Variants in MAP2K5 observed in about 807,000 individuals in gnomAD.
MAP2K5 encodes dual specificity mitogen-activated protein kinase kinase 5.
A neutral mutation model predicts 83.1 loss-of-function variants in MAP2K5; 49 were observed. The observed-to-expected ratio is 0.59, with a 90% confidence interval of 0.47 to 0.75. The LOEUF (loss-of-function observed/expected upper bound fraction) is 0.75. MAP2K5 is among the 30% of genes least tolerant of loss of function. The probability of loss-of-function intolerance (pLI) is 0.00; values close to 1 mark genes in which losing one functional copy is unlikely to be tolerated. For synonymous variants in MAP2K5, 202 were observed against 191.8 expected, an observed-to-expected ratio of 1.05 and a Z score of -0.44; for missense variants, 457 against 557.5, an observed-to-expected ratio of 0.82 and a Z score of 1.82.
At chr15:67,585,994 T>G (rs2038940797) in intron 5 of MAP2K5, 64 bp downstream of exon 5, 3 of 1,428,960 alleles carry the variant, frequency 2.1e-6, no homozygotes, top group South Asian at 2.3e-5. Flanking sequence ...TTCCACTTAT[T>G]GAAATGTCAA....
In MAP2K5 at chr15:67,565,943, TATG is replaced by T. The variant is rs1215914236; in HGVS notation, c.252+2596_252+2598del. On this transcript the variant is annotated intron_variant, in intron 3 of 21. Coordinates refer to ENST00000178640, the MANE Select transcript of MAP2K5 (RefSeq NM_145160.3). The surrounding 1 kb of genome is among the most constrained non-coding windows in gnomAD (Gnocchi z 4.1). ...TGTCATTTTGATCTGTCTTGGTTCT[TATG>T]ATTGAAATTTAAGGAGAACCATTTG... Among the ~76,000 whole-genome samples, 3 of 152,118 alleles carry T rather than the reference TATG, an allele frequency of 2.0e-5. No individual in the cohort carries two copies. The highest frequency in any genetic ancestry group is 1.5e-5 in the Non-Finnish European group (1 of 68,040).
rs1027918692 is a variant in MAP2K5, at chr15:67,698,536, G to T, written c.973-4801G>T. 6.6e-6 allele frequency among the ~76,000 whole-genome samples: 1 copy of T among 152,100 alleles called. No homozygotes were observed. Among genetic ancestry groups the T allele is most frequent in the African/African-American group, 2.4e-5 (1 of 41,400 alleles). The stretch of plus-strand genomic sequence containing the variant: ...ATTTTATTATGTTTTTAAGATAGAA[G>T]TTCCTAAAACTTTAACCAACTATTC... On this transcript the variant is annotated intron_variant, in intron 15 of 21. Coordinates refer to ENST00000178640, the MANE Select transcript of MAP2K5 (RefSeq NM_145160.3). This position sits in a 1 kb window ranked among gnomAD's most constrained non-coding sequence, Gnocchi z 4.5.
At chr15:67,763,893 A>G (rs953722369) in intron 19 of MAP2K5, among the ~76,000 whole-genome samples, 2 of 152,222 alleles carry the variant, frequency 1.3e-5, no homozygotes, top group African/African-American at 4.8e-5. Flanking sequence ...GCCAATTAGT[A>G]TGAATCCCAG....
rs2090497345 is a variant in MAP2K5, at chr15:67,790,511, T to C, written c.1243-16135T>C. Among the ~76,000 whole-genome samples, 1 of 152,174 alleles carries C rather than the reference T, an allele frequency of 6.6e-6. No individual in the cohort carries two copies. The highest frequency in any genetic ancestry group is 2.4e-5 in the African/African-American group (1 of 41,452). ...TGTAGGCTGTGCACAAGTGCAACAG[T>C]TGGGATTCCTTTTTTCTATTTTGTG... On this transcript the variant is annotated intron_variant, in intron 21 of 21. Transcript: ENST00000178640. This position sits in a 1 kb window ranked among gnomAD's most constrained non-coding sequence, Gnocchi z 4.6.
At chr15:67,602,820 A>C (rs929016116) in intron 8 of MAP2K5, among the ~76,000 whole-genome samples, 2 of 152,150 alleles carry the variant, frequency 1.3e-5, no homozygotes, top group South Asian at 4.2e-4. Context: ...TGCCCAGCTA[A>C]TTTTTGTATT....
chr15:67,647,173 T>C (rs2086848936), intron 11 of MAP2K5, among the ~76,000 whole-genome samples: 1 of 152,214 alleles, frequency 6.6e-6, no homozygotes, highest in Non-Finnish European at 1.5e-5. Context: ...TGTTAGTTCC[T>C]TGTGGAGATT....
In MAP2K5 at chr15:67,547,057, C is replaced by G. The variant is rs372086688; in HGVS notation, c.136-2977C>G. Among the ~76,000 whole-genome samples the G allele has an allele frequency of 8.1e-5, 9 of 111,386 alleles. No individual in the cohort carries two copies. The East Asian group carries it at 1.4e-3, about 17-fold the overall frequency. 73.1% of individuals were successfully genotyped at this position (111,386 alleles called of 152,430 possible). A position where few individuals can be genotyped will look rare whatever the true frequency, so the allele number is the denominator to read the frequency against. ...TCTAGCTTGGGTCACAGAGCGAGAC[C>G]CTATCTCAAAAAAGAAGAAAACACA... On this transcript the variant is annotated intron_variant, in intron 1 of 21. Coordinates refer to ENST00000178640, the MANE Select transcript of MAP2K5 (RefSeq NM_145160.3).
rs530421965 is a variant in MAP2K5 at position 67,666,851 on chromosome 15, T to A, written c.847+2206T>A. The stretch of plus-strand genomic sequence containing the variant: ...CTTTCAAGGAATTTCAGTGAATGAG[T>A]GTGCACCTACATCTGTCTCAATGGA... On this transcript the variant is annotated intron_variant, in intron 13 of 21. Coordinates refer to ENST00000178640, the MANE Select transcript of MAP2K5 (RefSeq NM_145160.3). Among the ~76,000 whole-genome samples, 10 of 152,264 alleles carry A rather than the reference T, an allele frequency of 6.6e-5. No homozygotes were observed. The East Asian group carries it at 1.9e-3, about 29-fold the overall frequency.
intron 3 of MAP2K5, among the ~76,000 whole-genome samples, chr15:67,575,727 TTAAA>T (rs2085041543): frequency 6.6e-6 from 1 of 152,156 alleles, no homozygotes; most frequent in South Asian, 2.1e-4. Context: ...GCTTCATCTG[TTAAA>T]TAGAGGTGAT....
At chr15:67,629,026 G>T (rs1417389577) in intron 8 of MAP2K5, 3 of 754,330 alleles carry the variant, frequency 4.0e-6, no homozygotes, top group Non-Finnish European at 7.2e-6. Context: ...GGAGGCAGAA[G>T]CTCTGGCCCC....
intron 16 of MAP2K5, among the ~76,000 whole-genome samples, chr15:67,706,436 CTG>C (rs1240873437): frequency 1.3e-5 from 2 of 152,164 alleles, no homozygotes; most frequent in Non-Finnish European, 2.9e-5. Flanking sequence ...GCTGTAAGGA[CTG>C]TGTTGGCTCG....
chr15:67,572,809 C>T lies in MAP2K5; in HGVS notation c.253-7945C>T, dbSNP rs1220136838. On this transcript the variant is annotated intron_variant, in intron 3 of 21. Coordinates refer to ENST00000178640, the MANE Select transcript of MAP2K5 (RefSeq NM_145160.3). The surrounding 1 kb of genome is among the most constrained non-coding windows in gnomAD (Gnocchi z 4.2). Reference sequence around the variant, plus strand: ...CACCTCTCGGGTTCAAGTGATTCTCCTGCCTCAACCTCCTGAGTAGCTGGG... The same window carrying T: ...CACCTCTCGGGTTCAAGTGATTCTCTTGCCTCAACCTCCTGAGTAGCTGGG... Among the ~76,000 whole-genome samples the T allele has an allele frequency of 1.3e-5, 2 of 151,962 alleles. No homozygotes were observed. The highest frequency in any genetic ancestry group is 2.9e-5 in the Non-Finnish European group (2 of 68,014).
rs1050583973 is a variant in MAP2K5 at position 67,769,282 on chromosome 15, G to A, written c.1135-320G>A. Among the ~76,000 whole-genome samples the A allele has an allele frequency of 1.3e-5, 2 of 152,174 alleles. No individual in the cohort carries two copies. Among genetic ancestry groups the A allele is most frequent in the Non-Finnish European group, 2.9e-5 (2 of 68,024 alleles). The stretch of plus-strand genomic sequence containing the variant: ...CTCTTTGTTAATTACAAGACCATTT[G>A]TGTGTTACTTAAATAATCATTAATT... On this transcript the variant is annotated intron_variant, in intron 19 of 21. Coordinates refer to ENST00000178640, the MANE Select transcript of MAP2K5 (RefSeq NM_145160.3). The surrounding 1 kb of genome is among the most constrained non-coding windows in gnomAD (Gnocchi z 5.2).
chr15:67,686,315 A>G (rs935609515), intron 13 of MAP2K5, among the ~76,000 whole-genome samples: 1 of 152,120 alleles, frequency 6.6e-6, no homozygotes, highest in African/African-American at 2.4e-5. Flanking sequence ...TTAAAGAAAA[A>G]TAATTACATG....
At chr15:67,574,553 C>A (rs2085014866) in intron 3 of MAP2K5, among the ~76,000 whole-genome samples, 1 of 150,230 alleles carries the variant, frequency 6.7e-6, no homozygotes, top group Admixed American at 6.7e-5. Context: ...GCCTGGGTGA[C>A]AGAGCAAGAC....
chr15:67,629,230 C>T (rs2086403930), intron 8 of MAP2K5: 6 of 626,006 alleles, frequency 9.6e-6, no homozygotes, highest in East Asian at 3.3e-5. Flanking sequence ...CAGCCAAGCA[C>T]GGTGGTGGCA....
chr15:67,664,652 G>A lies in MAP2K5; in HGVS notation c.847+7G>A. On this transcript the variant is annotated splice_region_variant and intron_variant, in intron 13 of 21. Coordinates refer to ENST00000178640, the MANE Select transcript of MAP2K5 (RefSeq NM_145160.3). ...TTAAAGATTTTACATAGAGGTATGT[G>A]CTGGGCTTATAAGCTTGGATTTAAT... is the stretch of plus-strand genomic sequence containing the variant. The A allele has an allele frequency of 1.3e-6, 2 of 1,597,408 alleles. No homozygotes were observed. The highest frequency in any genetic ancestry group is 1.7e-6 in the Non-Finnish European group (2 of 1,165,928).
chr15:67,545,565 G>T (rs2140937732), intron 1 of MAP2K5, among the ~76,000 whole-genome samples: 1 of 152,314 alleles, frequency 6.6e-6, no homozygotes, highest in African/African-American at 2.4e-5. Context: ...TGATGAGAAA[G>T]ATGGGTTTTC....
chr15:67,657,213 C>T (rs954401953), intron 11 of MAP2K5, among the ~76,000 whole-genome samples: 3 of 152,032 alleles, frequency 2.0e-5, no homozygotes, highest in Non-Finnish European at 4.4e-5. Context: ...AACCATTGTC[C>T]ATTTAGTTAA....
Sources: gnomAD v4.1 joint callset for allele counts (sites outside exome capture counted in the v4.1 genomes callset) on GRCh38, gnomAD v4.1.1 for gene constraint, Gnocchi (gnomAD v3.1) non-coding constraint, MANE v1.5 for transcripts, NCBI Gene and HGNC (gene_info 2026-07-23, HGNC 2026-07-21) for gene names.